Variants in RBFOX3 observed in about 807,000 individuals in gnomAD.
RBFOX3 encodes the protein RNA binding fox-1 homolog 3.
A neutral mutation model predicts 48.7 loss-of-function variants in RBFOX3; 17 were observed. That is an observed-to-expected ratio of 0.35 (90% CI 0.24 to 0.52). RBFOX3 has a LOEUF of 0.52. Ranked by LOEUF, RBFOX3 falls within the 20% of genes least tolerant of loss-of-function variation. RBFOX3 has a pLI of 0.94. For synonymous variants in RBFOX3, 212 were observed against 209.5 expected (o/e 1.01, Z -0.10); for missense variants, 382 against 497.5 (o/e 0.77, Z 2.21).
At chr17:79,127,296 G>C (rs1406070945) in intron 4 of RBFOX3, among the ~76,000 whole-genome samples, 1 of 152,322 alleles carries the variant, frequency 6.6e-6, no homozygotes, top group South Asian at 2.1e-4. Flanking sequence ...CAGTTCAAGA[G>C]CAGAGTGGGT....
At chr17:79,130,768 G>A (rs930828145) in intron 4 of RBFOX3, among the ~76,000 whole-genome samples, 24 of 152,266 alleles carry the variant, frequency 1.6e-4, no homozygotes, top group African/African-American at 5.5e-4. Flanking sequence ...CGAGTGGAGT[G>A]CCCTGTCCTT....
intron 1 of RBFOX3, among the ~76,000 whole-genome samples, chr17:79,575,721 G>A (rs950421190): frequency 3.3e-5 from 5 of 152,192 alleles, no homozygotes; most frequent in East Asian, 1.9e-4. Flanking sequence ...AGGCACTTCC[G>A]ACTTCTGAGA....
intron 5 of RBFOX3, among the ~76,000 whole-genome samples, chr17:79,107,791 G>A (rs1440935559): frequency 6.6e-6 from 1 of 152,230 alleles, no homozygotes; most frequent in East Asian, 1.9e-4. Context: ...CTCGCAGGCT[G>A]TTTGTTTTCC....
rs142655152 is a variant in RBFOX3 at position 79,118,041 on chromosome 17, C to T, written c.-33-2293G>A. Among the ~76,000 whole-genome samples the T allele has an allele frequency of 1.4e-3, 213 of 152,166 alleles. 2 individuals are homozygous for T. The Middle Eastern group carries it at 0.017, about 12-fold the overall frequency. On this transcript the variant is annotated intron_variant, in intron 4 of 14. Transcript: ENST00000693108. ...GGGGCCCAGCAACCTAGGGTGGGTGCGCATAGCTGGAAGGGTGGAGCCTGG... is the reference window on the plus strand; with the variant it reads ...GGGGCCCAGCAACCTAGGGTGGGTGTGCATAGCTGGAAGGGTGGAGCCTGG...
intron 4 of RBFOX3, among the ~76,000 whole-genome samples, chr17:79,131,537 C>G (rs2038911796): frequency 6.6e-6 from 1 of 152,236 alleles, no homozygotes; most frequent in African/African-American, 2.4e-5. Context: ...ATCTGCTGAC[C>G]TTCACGCTCA....
In RBFOX3 at chr17:79,212,488, C is replaced by T. The variant is rs2058509081; in HGVS notation, c.-34+23278G>A. 6.6e-6 allele frequency among the ~76,000 whole-genome samples: 1 copy of T among 152,224 alleles called. No homozygotes were observed. Among genetic ancestry groups the T allele is most frequent in the Non-Finnish European group, 1.5e-5 (1 of 68,036 alleles). On this transcript the variant is annotated intron_variant, in intron 4 of 14. Coordinates refer to ENST00000693108, the MANE Select transcript of RBFOX3 (RefSeq NM_001350451.2). This position sits in a 1 kb window ranked among gnomAD's most constrained non-coding sequence, Gnocchi z 4.7. The stretch of plus-strand genomic sequence containing the variant: ...ACCCTGTTTTTAGGGGGTCGGGTCT[C>T]ACCCTGGGCCCCCCAGTCCGCAACT...
chr17:79,364,586 A>C lies in RBFOX3; in HGVS notation c.-174-56762T>G, dbSNP rs1447078410. ...CTGGGGATGAAAAGATGCGTAAGAC[A>C]AAGGGGCCAGGGGTTGAAGGATGAG... On this transcript the variant is annotated intron_variant, in intron 2 of 14. Coordinates refer to ENST00000693108, the MANE Select transcript of RBFOX3 (RefSeq NM_001350451.2). This position sits in a 1 kb window ranked among gnomAD's most constrained non-coding sequence, Gnocchi z 5.1. Among the ~76,000 whole-genome samples the C allele has an allele frequency of 6.6e-6, 1 of 152,194 alleles. No individual in the cohort carries two copies. Among genetic ancestry groups the C allele is most frequent in the African/African-American group, 2.4e-5 (1 of 41,452 alleles).
chr17:79,385,450 G>A (rs1252123564), intron 2 of RBFOX3, among the ~76,000 whole-genome samples: 3 of 152,080 alleles, frequency 2.0e-5, no homozygotes, highest in Non-Finnish European at 2.9e-5. Flanking sequence ...GACAATCAGC[G>A]AGCCCCCAAG....
rs550017278 is a variant in RBFOX3, at chr17:79,155,161, C to T, written c.-33-39413G>A. 3.4e-3 allele frequency among the ~76,000 whole-genome samples: 519 copies of T among 152,366 alleles called. 5 individuals are homozygous for T. The highest frequency in any genetic ancestry group is 0.012 in the African/African-American group (482 of 41,592). On this transcript the variant is annotated intron_variant, in intron 4 of 14. Transcript: ENST00000693108. ...ATGTTGAAGTGGCCAGCTAGTGCCG[C>T]GTCCCTCCCCGCCCGGGGCTCTGTG...
chr17:79,534,736 A>G (rs1163277906), intron 1 of RBFOX3, among the ~76,000 whole-genome samples: 1 of 152,198 alleles, frequency 6.6e-6, no homozygotes, highest in African/African-American at 2.4e-5. Context: ...TCAGGCTTGT[A>G]AAACATCACC....
intron 4 of RBFOX3, among the ~76,000 whole-genome samples, chr17:79,134,734 G>A (rs2143617356): frequency 6.6e-6 from 1 of 152,170 alleles, no homozygotes; most frequent in Admixed American, 6.5e-5. Flanking sequence ...CCCCCTGGGG[G>A]AAGAGGCAGT....
chr17:79,489,341 C>A (rs1386646334), intron 1 of RBFOX3, among the ~76,000 whole-genome samples: 1 of 151,896 alleles, frequency 6.6e-6, no homozygotes, highest in Non-Finnish European at 1.5e-5. Context: ...GTCACCCAGG[C>A]TGGAGTGCAG....
Position 79,150,820 on chromosome 17 carries a change from T to C in RBFOX3, c.-33-35072A>G, listed in dbSNP as rs543444149. Among the ~76,000 whole-genome samples the C allele has an allele frequency of 2.6e-5, 4 of 152,172 alleles. No homozygotes were observed. In the South Asian group the frequency reaches 6.2e-4, roughly 24 times the overall value. On this transcript the variant is annotated intron_variant, in intron 4 of 14. Coordinates refer to ENST00000693108, the MANE Select transcript of RBFOX3 (RefSeq NM_001350451.2). ...GCCACAGGGTGCCTCTGACTGGCCA[T>C]GGGGCCTCAGGGGGGTCACCTCAGC... is the stretch of plus-strand genomic sequence containing the variant.
intron 1 of RBFOX3, among the ~76,000 whole-genome samples, chr17:79,540,261 C>G (rs1384624332): frequency 6.6e-6 from 1 of 152,248 alleles, no homozygotes; most frequent in African/African-American, 2.4e-5. Flanking sequence ...CAGGATGTCA[C>G]TTCAAACTCA....
chr17:79,458,991 GCTACCAGGC>G (rs1438132261), intron 2 of RBFOX3, among the ~76,000 whole-genome samples: 3 of 152,190 alleles, frequency 2.0e-5, no homozygotes, highest in Non-Finnish European at 4.4e-5. Context: ...GCGGCCGTGG[GCTACCAGGC>G]CTCCACCTGT....
At chr17:79,189,890 C>T (rs1354102707) in intron 4 of RBFOX3, among the ~76,000 whole-genome samples, 3 of 152,250 alleles carry the variant, frequency 2.0e-5, no homozygotes, top group African/African-American at 7.2e-5. Flanking sequence ...CAGTGAAGTG[C>T]CCTTGGATGG....
At chr17:79,327,434 A>T (rs775722570) in intron 2 of RBFOX3, among the ~76,000 whole-genome samples, 1 of 152,270 alleles carries the variant, frequency 6.6e-6, no homozygotes, top group Non-Finnish European at 1.5e-5. Flanking sequence ...CTCCAAGATG[A>T]TGGGTCGGTG....
intron 2 of RBFOX3, among the ~76,000 whole-genome samples, chr17:79,325,919 G>A (rs1021091135): frequency 6.6e-6 from 1 of 152,180 alleles, no homozygotes; most frequent in Non-Finnish European, 1.5e-5. Context: ...GCTGAACTCC[G>A]GCATGATGGA....
intron 4 of RBFOX3, among the ~76,000 whole-genome samples, chr17:79,203,871 G>A (rs2057138561): frequency 6.6e-6 from 1 of 152,112 alleles, no homozygotes; most frequent in African/African-American, 2.4e-5. Context: ...GAGTCACCAA[G>A]GAGCCTGAAC....
Sources: allele counts gnomAD v4.1 joint callset (sites outside exome capture counted in the v4.1 genomes callset), GRCh38; gene constraint gnomAD v4.1.1; non-coding constraint Gnocchi (gnomAD v3.1); transcripts MANE v1.5; gene names NCBI Gene and HGNC (gene_info 2026-07-23, HGNC 2026-07-21).